Variants in CSMD2 observed in about 807,000 individuals in gnomAD.
The protein encoded by CSMD2 is CUB and Sushi multiple domains 2.
Under a neutral mutation model 398.5 loss-of-function variants are expected in CSMD2, and 130 were observed. The observed-to-expected ratio is 0.33, with a 90% CI of 0.28 to 0.38. The LOEUF (loss-of-function observed/expected upper bound fraction) is 0.38. CSMD2 is among the 10% of genes least tolerant of loss of function. The pLI is 1.00. For missense variants in CSMD2, 3,829 were observed against 4,764.9 expected, an observed-to-expected ratio of 0.80 and a Z score of 5.78; for synonymous variants, 1,828 against 1,908.5, an observed-to-expected ratio of 0.96 and a Z score of 1.10.
intron 29 of CSMD2, among the ~76,000 whole-genome samples, chr1:33,640,292 TA>T (rs1395511856): frequency 6.6e-6 from 1 of 152,158 alleles, no homozygotes; most frequent in Admixed American, 6.5e-5. Context: ...AGCAGCCTTT[TA>T]AAAGAATAGC....
chr1:34,074,698 G>A (rs1427103229), intron 2 of CSMD2, among the ~76,000 whole-genome samples: 1 of 152,052 alleles, frequency 6.6e-6, no homozygotes, highest in African/African-American at 2.4e-5. Context: ...TTACAGCCTT[G>A]TGGGGTAGAT....
intron 39 of CSMD2, 110 bp from the exon 40 acceptor site, chr1:33,614,730 C>A: frequency 1.6e-6 from 1 of 631,524 alleles, no homozygotes; most frequent in South Asian, 2.0e-5. Flanking sequence ...TTTCATGAGT[C>A]ATATAGCCCC....
At chr1:33,857,973 C>T (rs1347842427) in intron 5 of CSMD2, among the ~76,000 whole-genome samples, 2 of 152,196 alleles carry the variant, frequency 1.3e-5, no homozygotes, top group Non-Finnish European at 2.9e-5. Flanking sequence ...TGGTCTTGTT[C>T]TAGATCTGTC....
intron 13 of CSMD2, among the ~76,000 whole-genome samples, chr1:33,763,539 G>A (rs144235569): frequency 0.019 from 2,894 of 152,282 alleles, 37 homozygotes; most frequent in South Asian, 0.03. Flanking sequence ...GACTGTTTAG[G>A]CATAAAGGAA....
intron 14 of CSMD2, among the ~76,000 whole-genome samples, chr1:33,740,113 T>A (rs1457999554): frequency 6.6e-6 from 1 of 152,068 alleles, no homozygotes; most frequent in Non-Finnish European, 1.5e-5. Context: ...AATATGAGAG[T>A]GGCAATTGTT....
rs932176442 is a variant in CSMD2 at position 33,952,469 on chromosome 1, C to T, written c.518-16515G>A. On this transcript the variant is annotated intron_variant, in intron 3 of 70. Transcript: ENST00000373381. ...TTCATGATCGTTTTTCAGCACTCAA[C>T]TCAAATGTCACCTCCTCAGAGAAGC... 9.8e-5 allele frequency among the ~76,000 whole-genome samples: 15 copies of T among 152,328 alleles called. No individual in the cohort carries two copies. The East Asian group carries it at 2.9e-3, about 29-fold the overall frequency.
At chr1:33,986,758 C>A (rs535853449) in intron 3 of CSMD2, among the ~76,000 whole-genome samples, 1 of 152,210 alleles carries the variant, frequency 6.6e-6, no homozygotes, top group African/African-American at 2.4e-5. Flanking sequence ...AATGGGACAC[C>A]TGGAGCGTAA....
intron 25 of CSMD2, among the ~76,000 whole-genome samples, chr1:33,678,325 A>G (rs1006100179): frequency 4.0e-5 from 6 of 151,616 alleles, no homozygotes; most frequent in Non-Finnish European, 5.9e-5. Context: ...AAAAAAAAAA[A>G]AAAGAAAGAA....
chr1:33,689,064 G>A (rs1645148012), intron 25 of CSMD2, among the ~76,000 whole-genome samples: 2 of 146,852 alleles, frequency 1.4e-5, no homozygotes, highest in South Asian at 4.6e-4. Context: ...AAGAGAGGGA[G>A]TGGGAAAGAA....
chr1:33,677,681 C>G (rs1644763890), intron 25 of CSMD2, among the ~76,000 whole-genome samples: 1 of 151,966 alleles, frequency 6.6e-6, no homozygotes, highest in African/African-American at 2.4e-5. Flanking sequence ...CGGCACTATT[C>G]ACAATAGCAA....
intron 23 of CSMD2, among the ~76,000 whole-genome samples, 200 bp from the exon 24 acceptor site, chr1:33,699,144 T>C (rs547680206): frequency 4.6e-5 from 7 of 152,234 alleles, no homozygotes; most frequent in Non-Finnish European, 4.4e-5. Flanking sequence ...TCTGTTGCTA[T>C]ATGTAAATGA....
intron 44 of CSMD2, among the ~76,000 whole-genome samples, chr1:33,593,197 T>A (rs926301373): frequency 6.6e-6 from 1 of 152,232 alleles, no homozygotes. Context: ...GAATTCTGCA[T>A]TTTTCTTTGA....
intron 3 of CSMD2, among the ~76,000 whole-genome samples, chr1:34,013,305 C>A (rs560915262): frequency 6.6e-6 from 1 of 152,306 alleles, no homozygotes; most frequent in East Asian, 1.9e-4. Context: ...CCTTTGTCTG[C>A]GCTGCCATCT....
intron 19 of CSMD2, 66 bp from the exon 20 acceptor site, chr1:33,716,567 A>G: frequency 1.0e-6 from 1 of 976,390 alleles, no homozygotes; most frequent in Non-Finnish European, 1.5e-6. Context: ...GCTGCAAGAC[A>G]GGATCTACAC....
At chr1:33,574,079 G>T (rs1659847946) in intron 49 of CSMD2, among the ~76,000 whole-genome samples, 1 of 152,096 alleles carries the variant, frequency 6.6e-6, no homozygotes, top group Non-Finnish European at 1.5e-5. Context: ...ATGTGTGAGG[G>T]CAAAAAGATA....
At chr1:33,783,465 CT>C (rs1268656729) in intron 12 of CSMD2, among the ~76,000 whole-genome samples, 3 of 137,222 alleles carry the variant, frequency 2.2e-5, no homozygotes. Context: ...CTCTCTCTCT[CT>C]CTCTCTCTCC....
In CSMD2 at chr1:33,820,492, G is replaced by A; in HGVS notation, c.1176C>T (p.Gly392=). The change falls in exon 8 of 71, where the codon GGC becomes GGT. Residue 392 remains glycine, a synonymous_variant. Coordinates refer to ENST00000373381, the MANE Select transcript of CSMD2 (RefSeq NM_001281956.2). ...MCPDPGIPER[G]KRLGSDFRLG... The stretch of plus-strand genomic sequence containing the variant: ...ACCTGAAATCCGAGCCTAGTCTTTT[G>A]CCCCTTTCGGGTATGCCAGGGTCTG... The A allele has an allele frequency of 6.3e-7, 1 of 1,590,822 alleles. No homozygotes were observed. Among genetic ancestry groups the A allele is most frequent in the Non-Finnish European group, 8.6e-7 (1 of 1,169,070 alleles).
chr1:33,757,247 T>C (rs1569763502), intron 13 of CSMD2, among the ~76,000 whole-genome samples: 1 of 152,102 alleles, frequency 6.6e-6, no homozygotes, highest in South Asian at 2.1e-4. Flanking sequence ...GCATGGCACA[T>C]GTATACATAT....
chr1:33,952,999 C>T (rs1645055919), intron 3 of CSMD2, among the ~76,000 whole-genome samples: 2 of 152,180 alleles, frequency 1.3e-5, no homozygotes, highest in Admixed American at 6.5e-5. Flanking sequence ...TGCTGGATGG[C>T]TGCACGTGGC....
Sources: gnomAD v4.1 joint callset for allele counts (sites outside exome capture counted in the v4.1 genomes callset) on GRCh38, gnomAD v4.1.1 for gene constraint, MANE v1.5 for transcripts, NCBI Gene and HGNC (gene_info 2026-07-23, HGNC 2026-07-21) for gene names.